Variants in PGCKA1 observed in about 807,000 individuals in gnomAD.
The protein encoded by PGCKA1 is PDCD10 and GCKIII kinases-associated protein 1.
the PGCKA1 span, among the ~76,000 whole-genome samples, chr4:37,525,156 G>A: frequency 1.3e-5 from 2 of 152,136 alleles, no homozygotes; most frequent in Non-Finnish European, 2.9e-5. Flanking sequence ...CAGAGGAGGA[G>A]AACTGAAAAT....
chr4:37,516,453 A>G, the PGCKA1 span, among the ~76,000 whole-genome samples: 3 of 152,248 alleles, frequency 2.0e-5, no homozygotes, highest in Non-Finnish European at 2.9e-5. Context: ...ATACACTGCT[A>G]TAATATTTTA....
the PGCKA1 span, among the ~76,000 whole-genome samples, chr4:37,496,146 G>T: frequency 6.6e-6 from 1 of 152,110 alleles, no homozygotes; most frequent in African/African-American, 2.4e-5. Context: ...GTCAACCTTT[G>T]CTTTTGTTGC....
the PGCKA1 span, among the ~76,000 whole-genome samples, chr4:37,470,512 G>T: frequency 6.6e-6 from 1 of 152,174 alleles, no homozygotes; most frequent in Non-Finnish European, 1.5e-5. Context: ...CCTGTGAAAA[G>T]GGTGGAGGCA....
chr4:37,491,239 A>G, the PGCKA1 span, among the ~76,000 whole-genome samples: 1 of 152,144 alleles, frequency 6.6e-6, no homozygotes, highest in Non-Finnish European at 1.5e-5. Flanking sequence ...TTGTACATTG[A>G]CTTTCCGCTA....
chr4:37,517,784 G>T, the PGCKA1 span, among the ~76,000 whole-genome samples: 2 of 152,106 alleles, frequency 1.3e-5, no homozygotes, highest in Admixed American at 1.3e-4. Context: ...AAAAGTATTT[G>T]AAAATGTACA....
chr4:37,588,858 A>G, the PGCKA1 span: 15 of 1,612,460 alleles, frequency 9.3e-6, no homozygotes, highest in African/African-American at 1.7e-4. Flanking sequence ...GGTAACAGAA[A>G]ACAATCCAGA....
the PGCKA1 span, among the ~76,000 whole-genome samples, chr4:37,566,508 C>T: frequency 2.0e-5 from 3 of 152,024 alleles, no homozygotes; most frequent in Admixed American, 6.6e-5. Context: ...CTCGAACTCC[C>T]GACCTCAAGT....
the PGCKA1 span, among the ~76,000 whole-genome samples, chr4:37,516,133 T>C: frequency 6.6e-6 from 1 of 152,244 alleles, no homozygotes; most frequent in Non-Finnish European, 1.5e-5. Flanking sequence ...GAAGTCATCA[T>C]CTTTGTGACA....
the PGCKA1 span, among the ~76,000 whole-genome samples, chr4:37,485,836 C>T: frequency 6.6e-6 from 1 of 152,128 alleles, no homozygotes; most frequent in South Asian, 2.1e-4. Context: ...GCTCACTGTC[C>T]TGTCCTAATA....
chr4:37,580,168 A>G, the PGCKA1 span, among the ~76,000 whole-genome samples: 8 of 151,848 alleles, frequency 5.3e-5, no homozygotes, highest in African/African-American at 1.9e-4. Context: ...AGAATTTTGA[A>G]TTCCTTCTCT....
the PGCKA1 span, among the ~76,000 whole-genome samples, chr4:37,504,928 T>C: frequency 6.6e-6 from 1 of 152,236 alleles, no homozygotes; most frequent in African/African-American, 2.4e-5. Context: ...TCTTGCCTAA[T>C]TTCTCTGGTT....
At chr4:37,528,568 C>T in the PGCKA1 span, among the ~76,000 whole-genome samples, 3 of 152,184 alleles carry the variant, frequency 2.0e-5, no homozygotes, top group East Asian at 3.9e-4. Flanking sequence ...TGAGGACAAA[C>T]GCCTGGCACT....
At chr4:37,509,444 C>T in the PGCKA1 span, among the ~76,000 whole-genome samples, 4 of 142,082 alleles carry the variant, frequency 2.8e-5, no homozygotes, top group African/African-American at 1.1e-4. Context: ...AGACAATGGG[C>T]GGCTGGGCAG....
chr4:37,495,524 G>A, the PGCKA1 span, among the ~76,000 whole-genome samples: 11 of 152,148 alleles, frequency 7.2e-5, no homozygotes, highest in South Asian at 2.1e-4. Flanking sequence ...GGAATACTAC[G>A]CAGCCCTAAA....
At chr4:37,528,315 C>T in the PGCKA1 span, among the ~76,000 whole-genome samples, 2 of 152,216 alleles carry the variant, frequency 1.3e-5, no homozygotes, top group Admixed American at 6.5e-5. Context: ...TATGTAATCA[C>T]GACATCTAGT....
At chr4:37,482,323 G>T in the PGCKA1 span, among the ~76,000 whole-genome samples, 1 of 152,174 alleles carries the variant, frequency 6.6e-6, no homozygotes, top group Non-Finnish European at 1.5e-5. Context: ...TGCTGTTAAT[G>T]ATATGGATAA....
chr4:37,518,813 G>A, the PGCKA1 span, among the ~76,000 whole-genome samples: 1 of 152,144 alleles, frequency 6.6e-6, no homozygotes. Context: ...GGTTGCCTGT[G>A]CTTAGGAGTA....
the PGCKA1 span, among the ~76,000 whole-genome samples, chr4:37,474,535 T>C: frequency 6.6e-6 from 1 of 152,150 alleles, no homozygotes; most frequent in Non-Finnish European, 1.5e-5. Flanking sequence ...AAAGAGGGAA[T>C]GACATGAATA....
chr4:37,520,098 C>T, the PGCKA1 span, among the ~76,000 whole-genome samples: 3 of 152,062 alleles, frequency 2.0e-5, no homozygotes, highest in Non-Finnish European at 2.9e-5. Flanking sequence ...TCCTTGCATC[C>T]CAGGGATAAA....
Sources: gnomAD v4.1 joint callset for allele counts (sites outside exome capture counted in the v4.1 genomes callset) on GRCh38, gnomAD v4.1.1 for gene constraint, MANE v1.5 for transcripts, NCBI Gene and HGNC (gene_info 2026-07-23, HGNC 2026-07-21) for gene names.